Variants in HTT observed in about 807,000 individuals in gnomAD.
The protein encoded by HTT is huntington disease protein.
In HTT, 104 loss-of-function variants were observed where a neutral mutation model predicts 362.3. The ratio of observed to expected loss-of-function variants is 0.29; its 90% CI spans 0.24 to 0.34. The LOEUF (loss-of-function observed/expected upper bound fraction) is 0.34. Ranked by LOEUF, HTT falls within the 10% of genes least tolerant of loss-of-function variation. The pLI is 1.00. For synonymous variants in HTT, 1,577 were observed against 1,548.7 expected, an observed-to-expected ratio of 1.02 and a Z score of -0.43; for missense variants, 3,301 against 3,928.6, an observed-to-expected ratio of 0.84 and a Z score of 4.27.
At chr4:3,147,923 C>A in intron 25 of HTT, 82 bp from the exon 26 acceptor site, 3 of 1,128,218 alleles carry the variant, frequency 2.7e-6, no homozygotes, top group African/African-American at 1.6e-5. Flanking sequence ...AACATAGGGT[C>A]TTAAATGACT....
rs1163397761 is a variant in HTT, at chr4:3,188,932, C to CT, written c.5226-13dup. ...TAGTAGTCACCTAATTCACTGTCAT[C>CT]TTTTTTGTTTCTTGGAAGGTTTCTA... On this transcript the variant is annotated intron_variant, in intron 39 of 66. Coordinates refer to ENST00000355072, the MANE Select transcript of HTT (RefSeq NM_001388492.1). The CT allele has an allele frequency of 8.7e-6, 14 of 1,612,486 alleles. No individual in the cohort carries two copies. The highest frequency in any genetic ancestry group is 1.3e-5 in the African/African-American group (1 of 74,858).
rs551716740 is a variant in HTT at position 3,078,535 on chromosome 4, G to A, written c.263+3447G>A. 9.2e-5 allele frequency among the ~76,000 whole-genome samples: 14 copies of A among 152,294 alleles called. No individual in the cohort carries two copies. The South Asian group carries it at 1.5e-3, about 16-fold the overall frequency. The stretch of plus-strand genomic sequence containing the variant: ...CTGCTAGACAAATTCCAAAAGAGCT[G>A]TAGCACTAAGTGTTGACATTTTTAT... On this transcript the variant is annotated intron_variant, in intron 1 of 66. Coordinates refer to ENST00000355072, the MANE Select transcript of HTT (RefSeq NM_001388492.1).
chr4:3,172,428 A>T (rs1718033870), intron 30 of HTT, 31 bp downstream of exon 30: 1 of 1,444,556 alleles, frequency 6.9e-7, no homozygotes, highest in Non-Finnish European at 9.8e-7. Flanking sequence ...CTCTTCTGTT[A>T]AGACGTTCGG....
intron 38 of HTT, 119 bp downstream of exon 38, chr4:3,186,838 C>CT (rs1160738052): frequency 0.1 from 24,817 of 248,662 alleles, 1,583 homozygotes; most frequent in African/African-American, 0.28. Context: ...TGAGAGTTTG[C>CT]TTTTTTTTTT....
intron 36 of HTT, chr4:3,180,881 C>CT (rs1288249776): frequency 1.0e-3 from 195 of 186,248 alleles, no homozygotes; most frequent in East Asian, 3.8e-3. Flanking sequence ...GGTGTGTATC[C>CT]TTTTTTTTTT....
chr4:3,195,168 A>G (rs1386344934), intron 40 of HTT, among the ~76,000 whole-genome samples: 1 of 151,666 alleles, frequency 6.6e-6, no homozygotes, highest in African/African-American at 2.4e-5. Flanking sequence ...TGGAGAAGAG[A>G]TGGTTCTCTC....
intron 45 of HTT, 87 bp downstream of exon 45, chr4:3,207,444 C>A: frequency 8.7e-7 from 1 of 1,144,344 alleles, no homozygotes; most frequent in Non-Finnish European, 1.3e-6. Context: ...ATTCACAGGA[C>A]AAGAAATCGA....
In HTT at chr4:3,160,386, T is replaced by C; in HGVS notation, c.3858T>C (p.Ile1286=). 1 of 1,545,504 alleles carries C rather than the reference T, an allele frequency of 6.5e-7. No individual in the cohort carries two copies. Among genetic ancestry groups the C allele is most frequent in the South Asian group, 1.2e-5 (1 of 84,026 alleles). Residue 1286 remains isoleucine (I), a synonymous_variant, in exon 29 of 67, where the codon ATT becomes ATC. Coordinates refer to ENST00000355072, the MANE Select transcript of HTT (RefSeq NM_001388492.1). ...QILELATLQD[I]GKCVEEILGY... ...TAGAGCTGGCCACACTGCAGGACAT[T>C]GGGAAGGTTTGTGTCTTGTTTTTTC...
At chr4:3,093,727 T>G (rs545654875) in intron 2 of HTT, among the ~76,000 whole-genome samples, 4 of 152,048 alleles carry the variant, frequency 2.6e-5, no homozygotes, top group African/African-American at 9.6e-5. Context: ...CAGAAAGATT[T>G]GAAGGTGCTG....
chr4:3,133,542 A>G (rs986997353), intron 18 of HTT, among the ~76,000 whole-genome samples: 4 of 148,286 alleles, frequency 2.7e-5, no homozygotes, highest in African/African-American at 9.8e-5. Flanking sequence ...AAAAAAAAAA[A>G]ACCACTGTGC....
chr4:3,119,995 T>C (rs1715218042), intron 8 of HTT, among the ~76,000 whole-genome samples: 1 of 152,178 alleles, frequency 6.6e-6, no homozygotes, highest in African/African-American at 2.4e-5. Flanking sequence ...GTGGCTCTGT[T>C]CCGGTGAAAC....
At chr4:3,159,703 T>C (rs867958114) in intron 28 of HTT, among the ~76,000 whole-genome samples, 2 of 152,266 alleles carry the variant, frequency 1.3e-5, no homozygotes, top group African/African-American at 4.8e-5. Context: ...CCAATATTTA[T>C]TTTCCTAGTC....
chr4:3,142,917 C>T, intron 23 of HTT, 31 bp downstream of exon 23: 1 of 1,597,388 alleles, frequency 6.3e-7, no homozygotes, highest in Non-Finnish European at 8.6e-7. Flanking sequence ...GTCTTACTGA[C>T]ATTGTAATAG....
chr4:3,103,058 G>A (rs1714234401), intron 3 of HTT, among the ~76,000 whole-genome samples: 2 of 151,908 alleles, frequency 1.3e-5, no homozygotes, highest in South Asian at 4.1e-4. Context: ...GCCAGAGCGA[G>A]GGTCTGTGGT....
intron 2 of HTT, among the ~76,000 whole-genome samples, chr4:3,093,905 G>GTTTTTTTTTTTTTTTTTTTTTT (rs67455911): frequency 6.3e-4 from 15 of 23,900 alleles, no homozygotes; most frequent in Admixed American, 9.5e-4. Flanking sequence ...CTTTAAGTTG[G>GTTTTTTTTTTTTTTTTTTTTTT]TTTTTTTTTT....
At chr4:3,207,123 C>T (rs1030911258) in intron 44 of HTT, 140 bp downstream of exon 44, 68 of 1,060,200 alleles carry the variant, frequency 6.4e-5, no homozygotes, top group East Asian at 1.3e-4. Context: ...GCAAACTTGC[C>T]GTTACTCGTG....
rs534171944 is a variant in HTT at position 3,214,367 on chromosome 4, A to G, written c.6952+232A>G. ...TTTTAGTCATTTTATTTAGATTTTG[A>G]AGTTTCAGCTTTCATCAAAAATACC... is the stretch of plus-strand genomic sequence containing the variant. On this transcript the variant is annotated intron_variant, in intron 50 of 66. Coordinates refer to ENST00000355072, the MANE Select transcript of HTT (RefSeq NM_001388492.1). Among the ~76,000 whole-genome samples the G allele has an allele frequency of 3.3e-5, 5 of 152,200 alleles. No homozygotes were observed. The South Asian group carries it at 6.2e-4, about 19-fold the overall frequency.
At chr4:3,211,367 G>A (rs1720152265) in intron 47 of HTT, among the ~76,000 whole-genome samples, 1 of 152,166 alleles carries the variant, frequency 6.6e-6, no homozygotes, top group East Asian at 1.9e-4. Context: ...CATTCATGAT[G>A]CTTTTCTGAG....
chr4:3,121,173 C>T (rs1465616068), intron 8 of HTT, 55 bp from the exon 9 acceptor site: 4 of 1,342,056 alleles, frequency 3.0e-6, no homozygotes, highest in Non-Finnish European at 4.3e-6. Context: ...AAAAGTGAAG[C>T]TTAGGATGCA....
Sources: gnomAD v4.1 joint callset for allele counts (sites outside exome capture counted in the v4.1 genomes callset) on GRCh38, gnomAD v4.1.1 for gene constraint, MANE v1.5 for transcripts, NCBI Gene and HGNC (gene_info 2026-07-23, HGNC 2026-07-21) for gene names.